FREM1: variants seen among roughly 807,000 people sequenced by gnomAD.
FREM1 encodes FRAS1-related extracellular matrix protein 1.
In FREM1, 220 loss-of-function variants were observed where a neutral mutation model predicts 210.1. The observed-to-expected ratio is 1.05, with a 90% confidence interval of 0.94 to 1.17. The LOEUF (loss-of-function observed/expected upper bound fraction) is 1.17, where lower values mean the gene tolerates loss of function less well. Ranked by LOEUF, FREM1 falls within the 50% of genes most tolerant of loss-of-function variation. The pLI is 0.00. For synonymous variants in FREM1, 1,189 were observed against 980.2 expected, an observed-to-expected ratio of 1.21 and a Z score of -3.98; for missense variants, 3,454 against 2,675.5, an observed-to-expected ratio of 1.29 and a Z score of -6.42.
Position 14,748,505 on chromosome 9 carries a change from G to A in FREM1, c.5692C>T (p.Pro1898Ser). ...GSFHLERRPLPSSMQLAVIRG... is the reference protein window; with the variant it reads ...GSFHLERRPLSSSMQLAVIRG... ...ATGACTGCTAGCTGCATGGAAGATG[G>A]AAGAGGTCTTCTTTCCAGATGAAAG... The change falls in exon 31 of 37, where the codon CCA becomes TCA. Residue 1898 changes from proline (P) to serine (S), a missense_variant. Physicochemically the swap from Pro to Ser is moderately conservative, Grantham distance 74. Transcript: ENST00000380880. 6.2e-7 allele frequency: 1 copy of A among 1,613,860 alleles called. No individual in the cohort carries two copies. Among genetic ancestry groups the A allele is most frequent in the Non-Finnish European group, 8.5e-7 (1 of 1,179,754 alleles).
At chr9:14,805,226 C>A in intron 18 of FREM1, 74 bp from the exon 19 acceptor site, 1 of 732,644 alleles carries the variant, frequency 1.4e-6, no homozygotes, top group Non-Finnish European at 2.2e-6. Flanking sequence ...ATCCTTAACC[C>A]AATAATAGTC....
intron 29 of FREM1, among the ~76,000 whole-genome samples, chr9:14,754,697 G>C (rs1843977826): frequency 6.6e-6 from 1 of 152,252 alleles, no homozygotes; most frequent in African/African-American, 2.4e-5. Context: ...ACTTTGGGAG[G>C]CTGAGGTAGG....
chr9:14,825,121 G>T, intron 10 of FREM1, 129 bp from the exon 11 acceptor site: 2 of 609,710 alleles, frequency 3.3e-6, no homozygotes, highest in Middle Eastern at 3.2e-4. Flanking sequence ...TCTGTCAAAT[G>T]ATTCAGGAGC....
At chr9:14,771,095 C>G (rs903923876) in intron 25 of FREM1, among the ~76,000 whole-genome samples, 1 of 152,126 alleles carries the variant, frequency 6.6e-6, no homozygotes, top group Admixed American at 6.6e-5. Context: ...GGCGTCAGGT[C>G]TTTCACCGCC....
At chr9:14,887,679 T>C (rs1158585984) in intron 1 of FREM1, among the ~76,000 whole-genome samples, 1 of 152,138 alleles carries the variant, frequency 6.6e-6, no homozygotes, top group East Asian at 1.9e-4. Flanking sequence ...TATGTGCAAA[T>C]TCCTTCCTTT....
chr9:14,884,782 C>T lies in FREM1; in HGVS notation c.-267-15538G>A, dbSNP rs147948071. The stretch of plus-strand genomic sequence containing the variant: ...AATTCTTAACGGTCAATGGTAATGA[C>T]GTGCCTTGATGAAAATAATATTTAC... On this transcript the variant is annotated intron_variant, in intron 1 of 36. Transcript: ENST00000380880. 3.3e-5 allele frequency among the ~76,000 whole-genome samples: 5 copies of T among 152,204 alleles called. No individual in the cohort carries two copies. In the East Asian group the frequency reaches 7.7e-4, roughly 23 times the overall value.
At chr9:14,779,635 T>C (rs530529082) in intron 24 of FREM1, 1 of 205,610 alleles carries the variant, frequency 4.9e-6, no homozygotes, top group African/African-American at 2.4e-5. Flanking sequence ...AGTTGTCTTA[T>C]GATCCAGGCT....
At chr9:14,793,001 T>C (rs912065222) in intron 21 of FREM1, 117 bp from the exon 22 acceptor site, 1 of 643,428 alleles carries the variant, frequency 1.6e-6, no homozygotes, top group Non-Finnish European at 2.5e-6. Flanking sequence ...TGACATTCAA[T>C]ATTCAAAGCA....
chr9:14,749,170 G>C (rs1178401656), intron 30 of FREM1, among the ~76,000 whole-genome samples: 1 of 152,028 alleles, frequency 6.6e-6, no homozygotes, highest in East Asian at 1.9e-4. Context: ...TAGTATTTCT[G>C]GGAAGGCATA....
rs138176565 is a variant in FREM1 at position 14,812,909 on chromosome 9, G to A, written c.2796C>T (p.Arg932=). 620 of 1,613,806 alleles carry A rather than the reference G, an allele frequency of 3.8e-4. 2 individuals carry two copies. In the African/African-American group the frequency reaches 6.8e-3, roughly 18 times the overall value. The stretch of plus-strand genomic sequence containing the variant: ...TCCTCACCACCCCATGCTGAGGTTC[G>A]CGAGCAATCACAAACATCAACTTCA... The part of the protein sequence containing the change: ...DNLKLMFVIA[R]EPQHGVVRRA... Residue 932 remains arginine (R), a synonymous_variant, in exon 16 of 37, where the codon CGC becomes CGT. Transcript: ENST00000380880.
intron 1 of FREM1, among the ~76,000 whole-genome samples, chr9:14,901,436 A>T (rs886348791): frequency 6.6e-6 from 1 of 152,310 alleles, no homozygotes; most frequent in African/African-American, 2.4e-5. Context: ...TGACATGTTC[A>T]TGGACCTCAA....
At chr9:14,809,550 C>G (rs10217334) in intron 16 of FREM1, among the ~76,000 whole-genome samples, 3 of 151,884 alleles carry the variant, frequency 2.0e-5, no homozygotes, top group Non-Finnish European at 4.4e-5. Flanking sequence ...AAGGAAAAAC[C>G]GAATTGAAGT....
intron 1 of FREM1, among the ~76,000 whole-genome samples, chr9:14,875,437 A>G (rs1329651535): frequency 6.6e-6 from 1 of 151,884 alleles, no homozygotes; most frequent in Non-Finnish European, 1.5e-5. Context: ...ATCCTCCATC[A>G]CTGATACCCT....
At chr9:14,737,697 G>C (rs976655236) in intron 36 of FREM1, 102 bp from the exon 37 acceptor site, 2 of 942,874 alleles carry the variant, frequency 2.1e-6, no homozygotes, top group Non-Finnish European at 3.0e-6. Flanking sequence ...TGCAAGTGTG[G>C]GCCCAGGTTC....
chr9:14,858,002 A>G (rs936674518), intron 4 of FREM1, among the ~76,000 whole-genome samples: 1 of 152,146 alleles, frequency 6.6e-6, no homozygotes, highest in Non-Finnish European at 1.5e-5. Context: ...AAATAATAAA[A>G]TATGTTGTCT....
chr9:14,807,000 C>G (rs1324904098), intron 17 of FREM1, among the ~76,000 whole-genome samples, 154 bp from the exon 18 acceptor site: 2 of 152,184 alleles, frequency 1.3e-5, no homozygotes, highest in Non-Finnish European at 2.9e-5. Context: ...TGGCATCATT[C>G]TCTTTAAAGT....
chr9:14,750,205 C>A lies in FREM1; in HGVS notation c.5479G>T (p.Val1827Leu). 1 of 1,613,610 alleles carries A rather than the reference C, an allele frequency of 6.2e-7. No individual in the cohort carries two copies. The highest frequency in any genetic ancestry group is 8.5e-7 in the Non-Finnish European group (1 of 1,179,592). The change falls in exon 30 of 37, where the codon GTA becomes TTA. Residue 1827 changes from valine to leucine, a missense_variant. Val to Leu is a conservative substitution (Grantham distance 32). Transcript: ENST00000380880. ...GCATTCACAGGGGAGTTCAGAATTA[C>A]TTCAAAGACCTCATCATCTTCCTCT... is the stretch of plus-strand genomic sequence containing the variant. ...GLEEDDEVFEVILNSPVNAVL... is the reference protein window; with the variant it reads ...GLEEDDEVFELILNSPVNAVL...
rs1818685215 is a variant in FREM1 at position 14,807,933 on chromosome 9, T to C, written c.3088+7A>G. The C allele has an allele frequency of 6.2e-7, 1 of 1,604,128 alleles. No individual in the cohort carries two copies. The highest frequency in any genetic ancestry group is 1.1e-5 in the South Asian group (1 of 90,474). ...AATAGTACTGGAACAAAAAAACACA[T>C]TGTCACCTATTGCAATGGAAGGTGG... On this transcript the variant is annotated splice_region_variant and intron_variant, in intron 17 of 36. Transcript: ENST00000380880.
chr9:14,897,455 T>C (rs1049642030), intron 1 of FREM1, among the ~76,000 whole-genome samples: 1 of 137,748 alleles, frequency 7.3e-6, no homozygotes, highest in Admixed American at 7.3e-5. Flanking sequence ...GGTTAGACAA[T>C]TGGTTGTTGC....
Sources: gnomAD v4.1 joint callset for allele counts (sites outside exome capture counted in the v4.1 genomes callset) on GRCh38, gnomAD v4.1.1 for gene constraint, MANE v1.5 for transcripts, NCBI Gene and HGNC (gene_info 2026-07-23, HGNC 2026-07-21) for gene names.